The following TOP1 variants were observed in gnomAD, a reference collection of about 807,000 sequenced individuals.
TOP1 encodes DNA topoisomerase I.
A neutral mutation model predicts 111.1 loss-of-function variants in TOP1; 10 were observed. That is an observed-to-expected ratio of 0.09 (90% CI 0.06 to 0.15). The LOEUF (loss-of-function observed/expected upper bound fraction) is 0.15, where lower values mean the gene tolerates loss of function less well. TOP1 is among the 10% of genes least tolerant of loss of function. TOP1 has a pLI of 1.00. For synonymous variants in TOP1, 271 were observed against 302.9 expected (o/e 0.89, Z 1.10); for missense variants, 474 against 926.7 (o/e 0.51, Z 6.34).
At chr20:41,081,923 G>A (rs777623985) in intron 7 of TOP1, among the ~76,000 whole-genome samples, 6 of 152,138 alleles carry the variant, frequency 3.9e-5, no homozygotes, top group East Asian at 3.8e-4. Context: ...ACTCAGTTCC[G>A]TTTAAATGCT....
chr20:41,087,377 G>C (rs546633737), intron 8 of TOP1, among the ~76,000 whole-genome samples: 13 of 152,326 alleles, frequency 8.5e-5, no homozygotes, highest in Non-Finnish European at 1.5e-4. Flanking sequence ...TTTGTGTCAG[G>C]GCTGACCTGG....
At chr20:41,096,827 G>A (rs533869020) in intron 9 of TOP1, among the ~76,000 whole-genome samples, 3 of 152,082 alleles carry the variant, frequency 2.0e-5, no homozygotes, top group Non-Finnish European at 4.4e-5. Context: ...CTTGAACAGA[G>A]GCTGCTTAGC....
Position 41,094,746 on chromosome 20 carries a change from G to A in TOP1, c.730+2159G>A, listed in dbSNP as rs1214182484. Among the ~76,000 whole-genome samples the A allele has an allele frequency of 1.3e-5, 2 of 152,200 alleles. No individual in the cohort carries two copies. The highest frequency in any genetic ancestry group is 4.8e-5 in the African/African-American group (2 of 41,450). ...TACTCTCTGGGGAGGAGAATTCTTA[G>A]ACTCCTTTAGAACTTGCCAGGGAGG... On this transcript the variant is annotated intron_variant, in intron 9 of 20. Coordinates refer to ENST00000361337, the MANE Select transcript of TOP1 (RefSeq NM_003286.4). This position sits in a 1 kb window ranked among gnomAD's most constrained non-coding sequence, Gnocchi z 4.4.
rs2033784037 is a variant in TOP1, at chr20:41,081,161, C to G, written c.432-4C>G. On this transcript the variant is annotated splice_region_variant and splice_polypyrimidine_tract_variant and intron_variant, in intron 6 of 20. Transcript: ENST00000361337. Reference sequence around the variant, plus strand: ...TAACTGTGTATTCATGTTCCCCTTTCTAGTGCTGATTATAAACCTAAGAAA... The same window carrying G: ...TAACTGTGTATTCATGTTCCCCTTTGTAGTGCTGATTATAAACCTAAGAAA... 1 of 1,593,550 alleles carries G rather than the reference C, an allele frequency of 6.3e-7. No individual in the cohort carries two copies. Among genetic ancestry groups the G allele is most frequent in the East Asian group, 2.2e-5 (1 of 44,470 alleles).
chr20:41,107,363 C>T (rs532402848), intron 13 of TOP1, among the ~76,000 whole-genome samples: 1 of 152,228 alleles, frequency 6.6e-6, no homozygotes, highest in South Asian at 2.1e-4. Flanking sequence ...TCAATCTAGA[C>T]ATCTTTTTTA....
In TOP1 at chr20:41,067,561, A is replaced by C. The variant is rs1264178668; in HGVS notation, c.155+6071A>C. On this transcript the variant is annotated intron_variant, in intron 3 of 20. Transcript: ENST00000361337. The surrounding 1 kb of genome is among the most constrained non-coding windows in gnomAD (Gnocchi z 4.0). Reference sequence around the variant, plus strand: ...ATCACATCTGAACCCCAGAATAATTAGTATTTAGCATGTTCTGTTCCAAAA... The same window carrying C: ...ATCACATCTGAACCCCAGAATAATTCGTATTTAGCATGTTCTGTTCCAAAA... 6.6e-6 allele frequency among the ~76,000 whole-genome samples: 1 copy of C among 152,252 alleles called. No individual in the cohort carries two copies. The highest frequency in any genetic ancestry group is 1.5e-5 in the Non-Finnish European group (1 of 68,040).
Position 41,092,923 on chromosome 20 carries a change from C to T in TOP1, c.730+336C>T, listed in dbSNP as rs1351146941. Among the ~76,000 whole-genome samples, 3 of 152,158 alleles carry T rather than the reference C, an allele frequency of 2.0e-5. No individual in the cohort carries two copies. The East Asian group carries it at 5.8e-4, about 29-fold the overall frequency. On this transcript the variant is annotated intron_variant, in intron 9 of 20. Transcript: ENST00000361337. This position sits in a 1 kb window ranked among gnomAD's most constrained non-coding sequence, Gnocchi z 4.3. ...CTCTTCGCAAGAGTTATTAGAAAAG[C>T]CTCACTTGAATGGTAGTATTTTATG...
chr20:41,095,267 T>C lies in TOP1; in HGVS notation c.731-1953T>C, dbSNP rs2033967783. On this transcript the variant is annotated intron_variant, in intron 9 of 20. Transcript: ENST00000361337. This position sits in a 1 kb window ranked among gnomAD's most constrained non-coding sequence, Gnocchi z 4.6. ...TTTTACCATGTTGGTCAAGCTGGTC[T>C]GGAACTCCTGACCTGAAGTGATCCT... Among the ~76,000 whole-genome samples the C allele has an allele frequency of 6.6e-6, 1 of 152,180 alleles. No homozygotes were observed. Among genetic ancestry groups the C allele is most frequent in the South Asian group, 2.1e-4 (1 of 4,826 alleles).
chr20:41,104,409 G>A (rs1384747967), intron 13 of TOP1, among the ~76,000 whole-genome samples: 1 of 152,192 alleles, frequency 6.6e-6, no homozygotes, highest in African/African-American at 2.4e-5. Flanking sequence ...CAATGGGGAT[G>A]GAGAGAGGTG....
chr20:41,085,109 A>C (rs1401070206), intron 8 of TOP1, among the ~76,000 whole-genome samples: 1 of 151,970 alleles, frequency 6.6e-6, no homozygotes, highest in Admixed American at 6.5e-5. Context: ...TCAAGGCAAA[A>C]TATTTGCAAT....
chr20:41,051,054 G>GTGGTTCTAGTGTTCAC (rs1440399866), intron 2 of TOP1, among the ~76,000 whole-genome samples: 1 of 152,190 alleles, frequency 6.6e-6, no homozygotes, highest in Non-Finnish European at 1.5e-5. Context: ...GTTCACTCAA[G>GTGGTTCTAGTGTTCAC]TGGTTCTAGT....
In TOP1 at chr20:41,078,344, C is replaced by A. The variant is rs73909140; in HGVS notation, c.335+707C>A. ...AGATGTTTATTGTTACATATTCTCA[C>A]TTCACTGAATGACAGAAAGGATTTA... On this transcript the variant is annotated intron_variant, in intron 5 of 20. Coordinates refer to ENST00000361337, the MANE Select transcript of TOP1 (RefSeq NM_003286.4). This position sits in a 1 kb window ranked among gnomAD's most constrained non-coding sequence, Gnocchi z 5.3. 0.02 allele frequency among the ~76,000 whole-genome samples: 3,119 copies of A among 152,298 alleles called. 101 individuals carry two copies. The highest frequency in any genetic ancestry group is 0.07 in the African/African-American group (2,922 of 41,562).
At position 41,103,324 on chromosome 20, in the gene TOP1, T is replaced by C. The variant is rs2034094325; in HGVS notation, c.1308+1971T>C. Among the ~76,000 whole-genome samples, 6 of 152,192 alleles carry C rather than the reference T, an allele frequency of 3.9e-5. No homozygotes were observed. In the South Asian group the frequency reaches 1.2e-3, roughly 31 times the overall value. On this transcript the variant is annotated intron_variant, in intron 13 of 20. Coordinates refer to ENST00000361337, the MANE Select transcript of TOP1 (RefSeq NM_003286.4). The stretch of plus-strand genomic sequence containing the variant: ...GATTCAGTGGCTAGTAACTCTAACT[T>C]AGATCTTCTTAGAATGTAACTTAGA...
rs549500988 is a variant in TOP1 at position 41,079,850 on chromosome 20, TA to T, written c.336-232del. Among the ~76,000 whole-genome samples, 1 of 152,202 alleles carries T rather than the reference TA, an allele frequency of 6.6e-6. No individual in the cohort carries two copies. Among genetic ancestry groups the T allele is most frequent in the African/African-American group, 2.4e-5 (1 of 41,444 alleles). ...AGTGAGAAAGAATTCTGACTTAGAA[TA>T]AAGAGTCTTGATCCCAAATCCTGAT... On this transcript the variant is annotated intron_variant, in intron 5 of 20. Coordinates refer to ENST00000361337, the MANE Select transcript of TOP1 (RefSeq NM_003286.4). The surrounding 1 kb of genome is among the most constrained non-coding windows in gnomAD (Gnocchi z 4.0).
chr20:41,042,939 C>A (rs1237138758), intron 2 of TOP1, among the ~76,000 whole-genome samples: 2 of 152,178 alleles, frequency 1.3e-5, no homozygotes, highest in African/African-American at 4.8e-5. Context: ...CCTTCATCCT[C>A]ATTGTCTTGT....
At position 41,102,888 on chromosome 20, in the gene TOP1, T is replaced by C. The variant is rs965740504; in HGVS notation, c.1308+1535T>C. Among the ~76,000 whole-genome samples the C allele has an allele frequency of 6.6e-6, 1 of 151,780 alleles. No homozygotes were observed. Among genetic ancestry groups the C allele is most frequent in the South Asian group, 2.1e-4 (1 of 4,802 alleles). The stretch of plus-strand genomic sequence containing the variant: ...AAAATGCATTAGATAAACAGAGGAG[T>C]TATTTGCAGCACCTTAGAGATCAAC... On this transcript the variant is annotated intron_variant, in intron 13 of 20. Coordinates refer to ENST00000361337, the MANE Select transcript of TOP1 (RefSeq NM_003286.4). This position sits in a 1 kb window ranked among gnomAD's most constrained non-coding sequence, Gnocchi z 4.0.
intron 18 of TOP1, among the ~76,000 whole-genome samples, chr20:41,120,410 C>T (rs1458818701): frequency 6.6e-6 from 1 of 152,228 alleles, no homozygotes; most frequent in Non-Finnish European, 1.5e-5. Context: ...CAGTGTGTGT[C>T]AGACATGTTA....
chr20:41,113,026 A>C, intron 14 of TOP1, 101 bp downstream of exon 14: 3 of 1,193,776 alleles, frequency 2.5e-6, no homozygotes, highest in Non-Finnish European at 3.5e-6. Context: ...ATCACAACTC[A>C]ACATACATAT....
At chr20:41,093,856 G>A (rs912791650) in intron 9 of TOP1, among the ~76,000 whole-genome samples, 5 of 152,172 alleles carry the variant, frequency 3.3e-5, no homozygotes, top group Non-Finnish European at 7.4e-5. Flanking sequence ...ACTGAAGAAA[G>A]TGCCAAACTT....
Sources: allele counts gnomAD v4.1 joint callset (sites outside exome capture counted in the v4.1 genomes callset), GRCh38; gene constraint gnomAD v4.1.1; non-coding constraint Gnocchi (gnomAD v3.1); transcripts MANE v1.5; gene names NCBI Gene and HGNC (gene_info 2026-07-23, HGNC 2026-07-21).